Variants in DOCK3 observed in about 807,000 individuals in gnomAD.
The protein encoded by DOCK3 is dedicator of cytokinesis protein 3.
A neutral mutation model predicts 265.6 loss-of-function variants in DOCK3; 60 were observed. That is an observed-to-expected ratio of 0.23 (90% CI 0.18 to 0.28). DOCK3 has a LOEUF of 0.28. Among genes scored for constraint, DOCK3 ranks in the 10% least tolerant of loss-of-function variants. The probability of loss-of-function intolerance (pLI) is 1.00; values close to 1 mark genes in which losing one functional copy is unlikely to be tolerated. For missense variants in DOCK3, 1,981 were observed against 2,594.3 expected (o/e 0.76, Z 5.14); for synonymous variants, 881 against 938.0 (o/e 0.94, Z 1.11).
At chr3:51,021,813 C>G (rs1204462436) in intron 5 of DOCK3, among the ~76,000 whole-genome samples, 1 of 152,088 alleles carries the variant, frequency 6.6e-6, no homozygotes, top group Non-Finnish European at 1.5e-5. Context: ...AGGTGCCCAC[C>G]ACCACGCCTG....
At chr3:50,949,165 G>T (rs375737910) in intron 5 of DOCK3, among the ~76,000 whole-genome samples, 1 of 152,050 alleles carries the variant, frequency 6.6e-6, no homozygotes, top group Non-Finnish European at 1.5e-5. Flanking sequence ...AAAAGCTGAC[G>T]TTTTGGACTC....
At position 50,780,340 on chromosome 3, in the gene DOCK3, G is replaced by A. The variant is rs117849134; in HGVS notation, c.121+1582G>A. Among the ~76,000 whole-genome samples, 104 of 152,212 alleles carry A rather than the reference G, an allele frequency of 6.8e-4. 1 individual carries two copies. In the East Asian group the frequency reaches 0.017, roughly 25 times the overall value. ...ACTCTGTTTATGTTTTGCTATAAAG[G>A]AGTACCTGAGGCTGTATAATTTATA... On this transcript the variant is annotated intron_variant, in intron 2 of 52. Transcript: ENST00000266037.
chr3:51,178,445 C>T (rs2087093492), intron 12 of DOCK3, among the ~76,000 whole-genome samples: 1 of 152,160 alleles, frequency 6.6e-6, no homozygotes. Context: ...TTTGCTACCC[C>T]ATTAAATTCA....
At chr3:50,963,007 C>T (rs374689351) in intron 5 of DOCK3, among the ~76,000 whole-genome samples, 2 of 151,970 alleles carry the variant, frequency 1.3e-5, no homozygotes, top group Non-Finnish European at 2.9e-5. Context: ...GCCAAGATGG[C>T]GAAACCCTGT....
At chr3:51,198,656 T>C (rs769815133) in intron 12 of DOCK3, among the ~76,000 whole-genome samples, 10 of 152,080 alleles carry the variant, frequency 6.6e-5, no homozygotes, top group Non-Finnish European at 1.2e-4. Flanking sequence ...TGTGCATTTC[T>C]GTGGGTTTGA....
chr3:50,835,428 T>C (rs1253870975), intron 2 of DOCK3, among the ~76,000 whole-genome samples: 5 of 152,214 alleles, frequency 3.3e-5, no homozygotes, highest in Admixed American at 3.3e-4. Flanking sequence ...TTCAAACTTA[T>C]CAGAAACTTC....
chr3:50,877,676 T>C, intron 3 of DOCK3: 1 of 360,526 alleles, frequency 2.8e-6, no homozygotes. Flanking sequence ...TTTTCTTTTC[T>C]TTTCTTTTTC....
intron 9 of DOCK3, among the ~76,000 whole-genome samples, chr3:51,106,892 T>C (rs1361332401): frequency 6.6e-6 from 1 of 152,214 alleles, no homozygotes; most frequent in Non-Finnish European, 1.5e-5. Flanking sequence ...GCCGCTGCCA[T>C]TGGCACATGA....
At chr3:51,270,745 A>G (rs2080450302) in intron 23 of DOCK3, 70 bp from the exon 24 acceptor site, 1 of 1,481,708 alleles carries the variant, frequency 6.7e-7, no homozygotes, top group Non-Finnish European at 9.1e-7. Context: ...ACCTTGTATC[A>G]TTGTCTGAGC....
At chr3:51,201,197 A>G (rs9862514) in intron 12 of DOCK3, among the ~76,000 whole-genome samples, 4 of 146,816 alleles carry the variant, frequency 2.7e-5, no homozygotes, top group Non-Finnish European at 6.0e-5. Flanking sequence ...ATGTAAATGG[A>G]CTAAATGCTC....
At chr3:51,349,797 C>T (rs940690840) in intron 39 of DOCK3, among the ~76,000 whole-genome samples, 1 of 152,214 alleles carries the variant, frequency 6.6e-6, no homozygotes, top group African/African-American at 2.4e-5. Flanking sequence ...TTCCTCACTA[C>T]AGTTGTTAGC....
At chr3:50,774,532 A>C (rs2041474710) in intron 1 of DOCK3, among the ~76,000 whole-genome samples, 1 of 152,032 alleles carries the variant, frequency 6.6e-6, no homozygotes, top group South Asian at 2.1e-4. Flanking sequence ...TATAGACTTA[A>C]AAATATTCAC....
chr3:50,858,754 G>A lies in DOCK3; in HGVS notation c.162+17039G>A, dbSNP rs527484020. 5.2e-4 allele frequency among the ~76,000 whole-genome samples: 79 copies of A among 152,206 alleles called. 2 individuals are homozygous for A. The South Asian group carries it at 0.015, about 28-fold the overall frequency. ...TATCCTGAAATATATTTTCCAGGTCGTTTGCTTTCTCCCCCTCCCTTTCAG... is the reference window on the plus strand; with the variant it reads ...TATCCTGAAATATATTTTCCAGGTCATTTGCTTTCTCCCCCTCCCTTTCAG... On this transcript the variant is annotated intron_variant, in intron 3 of 52. Coordinates refer to ENST00000266037, the MANE Select transcript of DOCK3 (RefSeq NM_004947.5).
At chr3:51,105,148 A>C (rs1004564993) in intron 9 of DOCK3, among the ~76,000 whole-genome samples, 1 of 152,210 alleles carries the variant, frequency 6.6e-6, no homozygotes, top group Non-Finnish European at 1.5e-5. Context: ...TTATAGTATG[A>C]ATGGTGAAAT....
chr3:50,741,742 C>T (rs1303179189), intron 1 of DOCK3, among the ~76,000 whole-genome samples: 2 of 151,668 alleles, frequency 1.3e-5, no homozygotes, highest in Non-Finnish European at 2.9e-5. Flanking sequence ...CATACGTGTG[C>T]GTGTGTCTTT....
chr3:51,369,569 A>C (rs375931235), intron 49 of DOCK3, among the ~76,000 whole-genome samples: 1 of 152,250 alleles, frequency 6.6e-6, no homozygotes, highest in Non-Finnish European at 1.5e-5. Context: ...TGATTGGTGT[A>C]ATAGCACAAA....
chr3:51,127,784 T>A (rs1177147207), intron 9 of DOCK3, among the ~76,000 whole-genome samples: 1 of 152,240 alleles, frequency 6.6e-6, no homozygotes, highest in South Asian at 2.1e-4. Context: ...CATGGTTTTT[T>A]TCCTGGTGGA....
chr3:51,289,160 A>C (rs1576666695), intron 27 of DOCK3, among the ~76,000 whole-genome samples: 1 of 152,202 alleles, frequency 6.6e-6, no homozygotes, highest in Non-Finnish European at 1.5e-5. Context: ...ATGGAGCTAG[A>C]GGCCATTATC....
intron 5 of DOCK3, among the ~76,000 whole-genome samples, chr3:50,965,212 TA>T (rs2076993897): frequency 6.6e-6 from 1 of 152,108 alleles, no homozygotes; most frequent in Non-Finnish European, 1.5e-5. Context: ...TACATCTGAA[TA>T]ATTCATGAGT....
Sources: allele counts gnomAD v4.1 joint callset (sites outside exome capture counted in the v4.1 genomes callset), GRCh38; gene constraint gnomAD v4.1.1; transcripts MANE v1.5; gene names NCBI Gene and HGNC (gene_info 2026-07-23, HGNC 2026-07-21).